Variants in SV2C observed in about 807,000 individuals in gnomAD.
SV2C encodes the protein solute carrier family 22 member B3.
Under a neutral mutation model 79.7 loss-of-function variants are expected in SV2C, and 49 were observed. That is an observed-to-expected ratio of 0.61 (90% CI 0.49 to 0.78). SV2C has a LOEUF of 0.78. Among genes scored for constraint, SV2C ranks in the 30% least tolerant of loss-of-function variants. The pLI is 0.00. For synonymous variants in SV2C, 334 were observed against 333.2 expected (o/e 1.00, Z -0.03); for missense variants, 833 against 912.9 (o/e 0.91, Z 1.13).
At chr5:75,952,522 C>A in the SV2C span, among the ~76,000 whole-genome samples, 35,788 of 151,540 alleles carry the variant, frequency 0.24, 5,352 homozygotes, top group Non-Finnish European at 0.35. Context: ...GGTATTGGAT[C>A]ATATGGGTCA....
At chr5:76,353,219 A>AC (rs1749676632) in exon 13 of SV2C, 2 of 371,700 alleles carry the variant, frequency 5.4e-6, no homozygotes. Flanking sequence ...TTCTGGGATT[A>AC]CAGTCTCGAG....
At chr5:75,972,259 G>A in the SV2C span, among the ~76,000 whole-genome samples, 1 of 152,054 alleles carries the variant, frequency 6.6e-6, no homozygotes, top group Non-Finnish European at 1.5e-5. Flanking sequence ...TCAGGACATA[G>A]GCATGGGCAA....
intron 12 of SV2C, among the ~76,000 whole-genome samples, chr5:76,345,281 A>G (rs969740979): frequency 1.1e-4 from 17 of 152,194 alleles, no homozygotes; most frequent in African/African-American, 4.1e-4. Context: ...AACGGCAAAT[A>G]AGCATTCATT....
At chr5:76,003,565 T>C in the SV2C span, among the ~76,000 whole-genome samples, 1 of 152,170 alleles carries the variant, frequency 6.6e-6, no homozygotes, top group Non-Finnish European at 1.5e-5. Flanking sequence ...TTTGTGTGCT[T>C]GTAAGGCTCA....
the SV2C span, among the ~76,000 whole-genome samples, chr5:76,043,032 G>C: frequency 2.6e-5 from 4 of 152,198 alleles, no homozygotes. Context: ...AGGACTGTCA[G>C]CTTCCATGAT....
At chr5:76,267,254 C>T (rs6860178) in intron 4 of SV2C, among the ~76,000 whole-genome samples, 5,019 of 152,098 alleles carry the variant, frequency 0.033, 275 homozygotes, top group African/African-American at 0.11. Context: ...ATACTAGCTA[C>T]AAGGGCAAAA....
chr5:76,113,082 A>T (rs1335133977), intron 1 of SV2C, among the ~76,000 whole-genome samples: 1 of 152,228 alleles, frequency 6.6e-6, no homozygotes, highest in African/African-American at 2.4e-5. Flanking sequence ...GCCTCTCAGT[A>T]CGTGTTTGTG....
rs201326612 is a variant in SV2C, at chr5:76,228,048, CTA to C, written c.913+18163_913+18164del. Among the ~76,000 whole-genome samples, 259 of 151,264 alleles carry C rather than the reference CTA, an allele frequency of 1.7e-3. 3 individuals carry two copies. The highest frequency in any genetic ancestry group is 6.0e-3 in the African/African-American group (250 of 41,478). The stretch of plus-strand genomic sequence containing the variant: ...CTCAGGCTTCTGGGGTTCTTTCTCT[CTA>C]TCTCTCTCTCTCTCTCTCTTTCTCT... On this transcript the variant is annotated intron_variant, in intron 4 of 12. Transcript: ENST00000502798.
At chr5:76,285,728 G>T in intron 5 of SV2C, 53 bp from the exon 6 acceptor site, 2 of 1,484,816 alleles carry the variant, frequency 1.3e-6, no homozygotes, top group South Asian at 1.2e-5. Context: ...TGGAAAATCA[G>T]GGAGGGTAAG....
chr5:76,128,167 AG>A (rs1193149100), intron 1 of SV2C, among the ~76,000 whole-genome samples: 2 of 152,180 alleles, frequency 1.3e-5, no homozygotes, highest in African/African-American at 4.8e-5. Context: ...AGATTGTTAG[AG>A]TTTCATTGCT....
intron 4 of SV2C, among the ~76,000 whole-genome samples, chr5:76,260,047 T>C (rs1746412173): frequency 6.6e-6 from 1 of 152,214 alleles, no homozygotes; most frequent in African/African-American, 2.4e-5. Flanking sequence ...GTCGAACTAA[T>C]TAAACTCCCA....
chr5:76,120,571 T>C (rs557875128), intron 1 of SV2C, among the ~76,000 whole-genome samples: 2 of 131,952 alleles, frequency 1.5e-5, no homozygotes, highest in Non-Finnish European at 3.1e-5. Flanking sequence ...CCTGTGTCCA[T>C]GTGTTCTCAT....
the SV2C span, among the ~76,000 whole-genome samples, chr5:75,944,026 AT>A: frequency 2.6e-4 from 40 of 152,158 alleles, no homozygotes; most frequent in Admixed American, 8.5e-4. Flanking sequence ...AACTAATTCT[AT>A]TTTTTTAAGA....
the SV2C span, among the ~76,000 whole-genome samples, chr5:75,920,001 G>A: frequency 1.3e-5 from 2 of 152,228 alleles, no homozygotes; most frequent in Non-Finnish European, 2.9e-5. Context: ...GAGATTCATT[G>A]CCTTTGGGTA....
chr5:76,007,963 G>T, the SV2C span, among the ~76,000 whole-genome samples: 1 of 152,112 alleles, frequency 6.6e-6, no homozygotes, highest in Non-Finnish European at 1.5e-5. Flanking sequence ...ATCCTTGCCT[G>T]GGTCAAGGTC....
the SV2C span, among the ~76,000 whole-genome samples, chr5:75,966,149 CT>C: frequency 6.6e-6 from 1 of 152,152 alleles, no homozygotes; most frequent in Non-Finnish European, 1.5e-5. Flanking sequence ...GGAAACTTTT[CT>C]AGTCTATAAG....
At chr5:76,268,580 G>A (rs1055246670) in intron 4 of SV2C, among the ~76,000 whole-genome samples, 2 of 152,192 alleles carry the variant, frequency 1.3e-5, no homozygotes, top group African/African-American at 4.8e-5. Context: ...GGAATTTTGA[G>A]AACCAACTTC....
At chr5:76,171,715 G>T (rs1235578695) in intron 2 of SV2C, among the ~76,000 whole-genome samples, 201 of 140,658 alleles carry the variant, frequency 1.4e-3, no homozygotes, top group African/African-American at 4.6e-3. Flanking sequence ...GAGGTGGGGG[G>T]GTCAGCCCCC....
the SV2C span, among the ~76,000 whole-genome samples, chr5:76,048,363 G>C: frequency 6.6e-6 from 1 of 152,284 alleles, no homozygotes; most frequent in East Asian, 1.9e-4. Flanking sequence ...CCCTTCCTCT[G>C]CCTTTCTGTT....
Sources: gnomAD v4.1 joint callset for allele counts (sites outside exome capture counted in the v4.1 genomes callset) on GRCh38, gnomAD v4.1.1 for gene constraint, MANE v1.5 for transcripts, NCBI Gene and HGNC (gene_info 2026-07-23, HGNC 2026-07-21) for gene names.